Variants in ZFYVE9 observed in about 807,000 individuals in gnomAD.
ZFYVE9 encodes zinc finger FYVE domain-containing protein 9.
Under a neutral mutation model 126.7 loss-of-function variants are expected in ZFYVE9, and 43 were observed. The observed-to-expected ratio is 0.34, with a 90% CI of 0.27 to 0.44. ZFYVE9 has a LOEUF of 0.44. ZFYVE9 is among the 20% of genes least tolerant of loss of function. The pLI is 1.00. For synonymous variants in ZFYVE9, 521 were observed against 597.4 expected, an observed-to-expected ratio of 0.87 and a Z score of 1.87; for missense variants, 1,476 against 1,697.0, an observed-to-expected ratio of 0.87 and a Z score of 2.29.
intron 17 of ZFYVE9, among the ~76,000 whole-genome samples, chr1:52,343,555 A>T (rs887523761): frequency 6.6e-6 from 1 of 151,168 alleles, no homozygotes; most frequent in Non-Finnish European, 1.5e-5. Flanking sequence ...CAGGAGTTCA[A>T]GGCCAACCTG....
intron 1 of ZFYVE9, among the ~76,000 whole-genome samples, chr1:52,209,498 T>G (rs1645008402): frequency 6.6e-6 from 1 of 151,976 alleles, no homozygotes; most frequent in African/African-American, 2.4e-5. Context: ...ACACGCCATT[T>G]CCTCCTCTCC....
intron 1 of ZFYVE9, among the ~76,000 whole-genome samples, chr1:52,198,466 C>G (rs978819833): frequency 1.3e-5 from 2 of 152,074 alleles, no homozygotes; most frequent in African/African-American, 4.8e-5. Context: ...TGAGCTTTGA[C>G]TGAGACAATT....
At chr1:52,218,435 G>A (rs2124598833) in intron 2 of ZFYVE9, among the ~76,000 whole-genome samples, 1 of 152,352 alleles carries the variant, frequency 6.6e-6, no homozygotes, top group Non-Finnish European at 1.5e-5. Flanking sequence ...AAGTTGAATG[G>A]CCCTTGGGGG....
intron 1 of ZFYVE9, among the ~76,000 whole-genome samples, chr1:52,185,554 G>T (rs1396419856): frequency 6.6e-6 from 1 of 152,172 alleles, no homozygotes; most frequent in African/African-American, 2.4e-5. Flanking sequence ...TATTTATTGA[G>T]TTGGAAGTTT....
chr1:52,193,862 T>C (rs923348568), intron 1 of ZFYVE9, among the ~76,000 whole-genome samples: 1 of 152,140 alleles, frequency 6.6e-6, no homozygotes, highest in African/African-American at 2.4e-5. Flanking sequence ...GGGAGCATTC[T>C]TGGTAATCGT....
intron 4 of ZFYVE9, among the ~76,000 whole-genome samples, chr1:52,244,726 G>A (rs1050220093): frequency 6.6e-6 from 1 of 152,152 alleles, no homozygotes; most frequent in East Asian, 1.9e-4. Context: ...TTTATCCTTG[G>A]AGATATGATG....
chr1:52,204,082 CT>C (rs769536877), intron 1 of ZFYVE9, among the ~76,000 whole-genome samples: 1,694 of 143,276 alleles, frequency 0.012, 4 homozygotes, highest in Non-Finnish European at 0.015. Context: ...TCTCCTCAAA[CT>C]TTTTTTTTTT....
intron 1 of ZFYVE9, among the ~76,000 whole-genome samples, chr1:52,166,768 T>G (rs2124518834): frequency 6.6e-6 from 1 of 152,166 alleles, no homozygotes; most frequent in Middle Eastern, 3.4e-3. Context: ...AAGTCAGGCA[T>G]GGTGACACGC....
intron 13 of ZFYVE9, among the ~76,000 whole-genome samples, chr1:52,316,263 A>G (rs1273597052): frequency 6.6e-6 from 1 of 150,994 alleles, no homozygotes; most frequent in African/African-American, 2.4e-5. Flanking sequence ...AGGCGGGTGC[A>G]TCACCTGAGG....
intron 1 of ZFYVE9, among the ~76,000 whole-genome samples, chr1:52,190,595 A>G (rs780871818): frequency 6.6e-6 from 1 of 152,226 alleles, no homozygotes; most frequent in Non-Finnish European, 1.5e-5. Context: ...CATCAATAGT[A>G]GATTGTCATG....
At position 52,239,307 on chromosome 1, in the gene ZFYVE9, T is replaced by C; in HGVS notation, c.1890T>C (p.Asn630=). The change falls in exon 4 of 19, where the codon AAT becomes AAC. Residue 630 remains asparagine (N), a synonymous_variant. Transcript: ENST00000287727. The part of the protein sequence containing the change: ...KAKLGENSAT[N]VCSPSLGNIS... Reference sequence around the variant, plus strand: ...AATTAGGGGAAAACTCAGCAACCAATGTATGCAGTCCATCTTTGGGAAACA... The same window carrying C: ...AATTAGGGGAAAACTCAGCAACCAACGTATGCAGTCCATCTTTGGGAAACA... 1 of 1,614,166 alleles carries C rather than the reference T, an allele frequency of 6.2e-7. No homozygotes were observed. Among genetic ancestry groups the C allele is most frequent in the Non-Finnish European group, 8.5e-7 (1 of 1,180,012 alleles).
intron 13 of ZFYVE9, among the ~76,000 whole-genome samples, chr1:52,326,185 G>C (rs888101999): frequency 1.1e-4 from 16 of 152,112 alleles, no homozygotes; most frequent in Non-Finnish European, 2.4e-4. Context: ...CCTTTTACTG[G>C]TATGTCATTC....
chr1:52,227,879 T>C (rs906781931), intron 2 of ZFYVE9, among the ~76,000 whole-genome samples: 1 of 152,188 alleles, frequency 6.6e-6, no homozygotes, highest in African/African-American at 2.4e-5. Context: ...TAAATTTCTA[T>C]GTTTGCAGCC....
chr1:52,258,257 C>A (rs1428423157), intron 4 of ZFYVE9, among the ~76,000 whole-genome samples: 3 of 151,438 alleles, frequency 2.0e-5, no homozygotes, highest in Non-Finnish European at 2.9e-5. Flanking sequence ...GATATTTCAG[C>A]AGTATAATTT....
At chr1:52,301,291 C>CTTTTTT (rs527599525) in intron 12 of ZFYVE9, among the ~76,000 whole-genome samples, 1 of 72,642 alleles carries the variant, frequency 1.4e-5, no homozygotes, top group Non-Finnish European at 2.5e-5. Context: ...CTTTTTCCAT[C>CTTTTTT]TTTTTTTTTT....
chr1:52,197,561 AGAG>A (rs746639914), intron 1 of ZFYVE9, among the ~76,000 whole-genome samples: 2 of 152,124 alleles, frequency 1.3e-5, no homozygotes, highest in Non-Finnish European at 2.9e-5. Flanking sequence ...ATTGGGTAGA[AGAG>A]GAGGAGTCAG....
chr1:52,292,432 T>C (rs1645930786), intron 10 of ZFYVE9, among the ~76,000 whole-genome samples: 1 of 151,480 alleles, frequency 6.6e-6, no homozygotes, highest in African/African-American at 2.4e-5. Context: ...AGTGAAATTA[T>C]AAGCTTGGTG....
chr1:52,258,719 G>A (rs777645367), intron 4 of ZFYVE9, among the ~76,000 whole-genome samples: 4 of 152,064 alleles, frequency 2.6e-5, no homozygotes, highest in Non-Finnish European at 4.4e-5. Context: ...ATCTCACTAC[G>A]TCATAGTCTG....
intron 5 of ZFYVE9, among the ~76,000 whole-genome samples, chr1:52,266,326 T>C (rs1432626539): frequency 6.9e-6 from 1 of 145,464 alleles, no homozygotes; most frequent in African/African-American, 2.6e-5. Flanking sequence ...CTTGATTTCC[T>C]GACCTCGTGA....
Sources: gnomAD v4.1 joint callset for allele counts (sites outside exome capture counted in the v4.1 genomes callset) on GRCh38, gnomAD v4.1.1 for gene constraint, MANE v1.5 for transcripts, NCBI Gene and HGNC (gene_info 2026-07-23, HGNC 2026-07-21) for gene names.